CCT2: variants seen among roughly 807,000 people sequenced by gnomAD.
CCT2 encodes the protein chaperonin containing TCP1 subunit 2, also known as T-complex protein 1 subunit beta.
Under a neutral mutation model 61.8 loss-of-function variants are expected in CCT2, and 18 were observed. The ratio of observed to expected loss-of-function variants is 0.29; its 90% CI spans 0.20 to 0.43. The LOEUF (loss-of-function observed/expected upper bound fraction) is 0.43. Ranked by LOEUF, CCT2 falls within the 20% of genes least tolerant of loss-of-function variation. CCT2 has a pLI of 1.00. For missense variants in CCT2, 556 were observed against 656.9 expected (o/e 0.85, Z 1.68); for synonymous variants, 248 against 215.9 (o/e 1.15, Z -1.30).
At chr12:69,598,891 G>T (rs1218592203) in intron 14 of CCT2, among the ~76,000 whole-genome samples, 1,552 of 152,270 alleles carry the variant, frequency 0.01, 31 homozygotes, top group African/African-American at 0.035. Context: ...ACATTATAGA[G>T]TAGTCTTAAG....
intron 7 of CCT2, among the ~76,000 whole-genome samples, chr12:69,590,419 G>C (rs1012959461): frequency 1.3e-5 from 2 of 152,164 alleles, no homozygotes; most frequent in African/African-American, 4.8e-5. Context: ...TTCTTAAAGA[G>C]TGATAAATGA....
chr12:69,586,865 C>T lies in CCT2; in HGVS notation c.144+47C>T, dbSNP rs144056126. 396 of 1,165,308 alleles carry T rather than the reference C, an allele frequency of 3.4e-4. 3 individuals are homozygous for T. In the African/African-American group the frequency reaches 5.9e-3, roughly 17 times the overall value. 72.2% of individuals were successfully genotyped at this position (1,165,308 alleles called of 1,614,324 possible). On this transcript the variant is annotated intron_variant, in intron 3 of 15. Transcript: ENST00000299300. Reference sequence around the variant, plus strand: ...TATATTTTAATATTGTTTTAGAGCGCTTGGTGGAAATATAATAACAAGCGT... The same window carrying T: ...TATATTTTAATATTGTTTTAGAGCGTTTGGTGGAAATATAATAACAAGCGT...
At chr12:69,587,281 G>A (rs1022900203) in intron 3 of CCT2, 1 of 429,562 alleles carries the variant, frequency 2.3e-6, no homozygotes. Flanking sequence ...TTGCAGTTAC[G>A]GTGTTGAAAC....
chr12:69,588,332 C>CTA, intron 6 of CCT2, 70 bp downstream of exon 6: 1 of 1,089,810 alleles, frequency 9.2e-7, no homozygotes. Context: ...TGCAAGAAAT[C>CTA]TATAGGACAC....
At chr12:69,597,841 TTCTTAC>T in intron 12 of CCT2, 75 bp downstream of exon 12, 1 of 1,476,264 alleles carries the variant, frequency 6.8e-7, no homozygotes, top group East Asian at 2.3e-5. Flanking sequence ...GTTTTAATGG[TTCTTAC>T]AGAAATCTTA....
At chr12:69,596,405 G>A (rs1235778707) in intron 10 of CCT2, among the ~76,000 whole-genome samples, 1 of 152,110 alleles carries the variant, frequency 6.6e-6, no homozygotes, top group Non-Finnish European at 1.5e-5. Context: ...CTAGAGAAAA[G>A]GATTTTGAAA....
rs749389326 is a variant in CCT2 at position 69,597,191 on chromosome 12, C to T, written c.1018C>T (p.Leu340=). The T allele has an allele frequency of 6.2e-7, 1 of 1,613,742 alleles. No individual in the cohort carries two copies. The highest frequency in any genetic ancestry group is 8.5e-7 in the Non-Finnish European group (1 of 1,179,684). ...EIASTFDHPE[L]VKLGSCKLIE... Reference sequence around the variant, plus strand: ...TGCCTCTACCTTTGATCACCCAGAACTGGTGAAGCTTGGAAGTTGCAAACT... The same window carrying T: ...TGCCTCTACCTTTGATCACCCAGAATTGGTGAAGCTTGGAAGTTGCAAACT... The change falls in exon 11 of 16, where the codon CTG becomes TTG. Residue 340 remains leucine (L), a synonymous_variant. Coordinates refer to ENST00000299300, the MANE Select transcript of CCT2 (RefSeq NM_006431.3).
At chr12:69,587,746 G>T in intron 4 of CCT2, 130 bp downstream of exon 4, 1 of 740,910 alleles carries the variant, frequency 1.3e-6, no homozygotes, top group South Asian at 1.8e-5. Flanking sequence ...AATTATCGTT[G>T]TTAAAATACA....
intron 2 of CCT2, 25 bp from the exon 3 acceptor site, chr12:69,586,728 A>G: frequency 2.0e-6 from 3 of 1,527,644 alleles, no homozygotes; most frequent in Middle Eastern, 3.5e-4. Flanking sequence ...GTTGATTCTG[A>G]TAATCTCCTT....
chr12:69,586,419 G>T, intron 2 of CCT2, 75 bp downstream of exon 2: 3 of 1,078,976 alleles, frequency 2.8e-6, no homozygotes, highest in Non-Finnish European at 4.3e-6. Context: ...TGTAATCCCA[G>T]TACTTTGGGA....
In CCT2 at chr12:69,585,536, T is replaced by C. The variant is rs373387339; in HGVS notation, c.3+12T>C. ...TCCTCGGAACCATGGTGAGCCTGAC[T>C]CCCCTGCCTCTTGCCCTACCCCTGC... On this transcript the variant is annotated intron_variant, in intron 1 of 15. Transcript: ENST00000299300. 1 of 1,570,218 alleles carries C rather than the reference T, an allele frequency of 6.4e-7. No individual in the cohort carries two copies. The highest frequency in any genetic ancestry group is 8.6e-7 in the Non-Finnish European group (1 of 1,156,818).
intron 15 of CCT2, among the ~76,000 whole-genome samples, chr12:69,601,067 C>T (rs1167670825): frequency 2.0e-5 from 3 of 152,082 alleles, no homozygotes; most frequent in Non-Finnish European, 4.4e-5. Flanking sequence ...CCTATATAAC[C>T]CATTAGTCCA....
chr12:69,588,132 T>C lies in CCT2; in HGVS notation c.334-18T>C. 1 of 1,597,262 alleles carries C rather than the reference T, an allele frequency of 6.3e-7. No individual in the cohort carries two copies. On this transcript the variant is annotated intron_variant, in intron 5 of 15. Coordinates refer to ENST00000299300, the MANE Select transcript of CCT2 (RefSeq NM_006431.3). Reference sequence around the variant, plus strand: ...TAATTTTCTATTTATAACTTTTGTTTTATAACTTTATTAATAGGAAGCAGA... The same window carrying C: ...TAATTTTCTATTTATAACTTTTGTTCTATAACTTTATTAATAGGAAGCAGA...
chr12:69,589,389 ATCAGT>A, intron 6 of CCT2, 91 bp from the exon 7 acceptor site: 1 of 783,826 alleles, frequency 1.3e-6, no homozygotes, highest in Non-Finnish European at 2.1e-6. Flanking sequence ...TACAGACTTG[ATCAGT>A]TAGGGTAAAA....
rs551629629 is a variant in CCT2 at position 69,593,066 on chromosome 12, C to T, written c.841C>T (p.Arg281Cys). 33 of 1,613,140 alleles carry T rather than the reference C, an allele frequency of 2.0e-5. No individual in the cohort carries two copies. The highest frequency in any genetic ancestry group is 1.8e-4 in the South Asian group (16 of 91,068). ...GGAAAAAATGAAGGAGAAAGTTGAA[C>T]GTATTCTTAAGCATGGAATAAATTG... is the stretch of plus-strand genomic sequence containing the variant. ...EKEKMKEKVE[R>C]ILKHGINCFI... Residue 281 changes from arginine to cysteine, a missense_variant, in exon 9 of 16, where the codon CGT (arginine) becomes TGT (cysteine). Transcript: ENST00000299300.
chr12:69,590,324 G>C (rs1432742559), intron 7 of CCT2, among the ~76,000 whole-genome samples: 2 of 151,996 alleles, frequency 1.3e-5, no homozygotes, highest in Admixed American at 6.6e-5. Context: ...CGTATACTGG[G>C]GGATGACTAG....
In CCT2 at chr12:69,601,304, C is replaced by T. The variant is rs750424156; in HGVS notation, c.1587C>T (p.Val529=). ...NIIKAAPRKR[V]PDHHPC ...TTTCTTACTCTCATAGGAAACGTGT[C>T]CCTGATCACCACCCCTGTTAAGCAT... The change falls in exon 16 of 16, where the codon GTC becomes GTT. Residue 529 remains valine, a synonymous_variant. Coordinates refer to ENST00000299300, the MANE Select transcript of CCT2 (RefSeq NM_006431.3). The T allele has an allele frequency of 1.2e-6, 2 of 1,602,098 alleles. No homozygotes were observed. The highest frequency in any genetic ancestry group is 1.8e-5 in the Admixed American group (1 of 56,220).
At chr12:69,594,269 T>C (rs528472221) in intron 10 of CCT2, among the ~76,000 whole-genome samples, 1 of 152,216 alleles carries the variant, frequency 6.6e-6, no homozygotes, top group Non-Finnish European at 1.5e-5. Context: ...TTGTTTTTAT[T>C]GCTTAGTAAG....
At chr12:69,592,390 G>A (rs1277789194) in intron 8 of CCT2, 1 of 240,248 alleles carries the variant, frequency 4.2e-6, no homozygotes, top group Admixed American at 5.2e-5. Context: ...GGCTGAGGCA[G>A]GAGAATCACT....
Sources: gnomAD v4.1 joint callset for allele counts (sites outside exome capture counted in the v4.1 genomes callset) on GRCh38, gnomAD v4.1.1 for gene constraint, MANE v1.5 for transcripts, NCBI Gene and HGNC (gene_info 2026-07-23, HGNC 2026-07-21) for gene names.